The following ARHGAP6 variants were observed in gnomAD, a reference collection of about 807,000 sequenced individuals.
The protein encoded by ARHGAP6 is rho GTPase-activating protein 6.
Under a neutral mutation model 55.7 loss-of-function variants are expected in ARHGAP6, and 16 were observed. That is an observed-to-expected ratio of 0.29 (90% confidence interval 0.19 to 0.44). The LOEUF is 0.44. Ranked by LOEUF, ARHGAP6 falls within the 20% of genes least tolerant of loss-of-function variation. The pLI is 1.00. For missense variants in ARHGAP6, 698 were observed against 808.9 expected (o/e 0.86, Z 1.66); for synonymous variants, 382 against 360.9 (o/e 1.06, Z -0.66).
At chrX:11,512,762 G>T (rs2050797337) in intron 1 of ARHGAP6, among the ~76,000 whole-genome samples, 1 of 111,499 alleles carries the variant, frequency 9.0e-6, no homozygotes, top group African/African-American at 3.3e-5. Context: ...CCAAACATAT[G>T]AAAGAGGTAG....
At chrX:11,622,474 A>C (rs374272063) in intron 1 of ARHGAP6, among the ~76,000 whole-genome samples, 1 of 112,008 alleles carries the variant, frequency 8.9e-6, no homozygotes, top group East Asian at 2.8e-4. Flanking sequence ...GTACCAAAGA[A>C]ACAGAAAGAC....
chrX:11,164,622 T>A (rs1403616636), intron 9 of ARHGAP6, among the ~76,000 whole-genome samples: 1 of 111,861 alleles, frequency 8.9e-6, no homozygotes, highest in Non-Finnish European at 1.9e-5. Context: ...CATTTGAAAT[T>A]TCCCACGTGC....
chrX:11,401,861 T>A (rs762257200), intron 1 of ARHGAP6, among the ~76,000 whole-genome samples: 24 of 112,554 alleles, frequency 2.1e-4, no homozygotes, highest in African/African-American at 6.8e-4. Context: ...ATAAGAATAA[T>A]TCAGTAAAAA....
chrX:11,375,684 C>T (rs939590495), intron 1 of ARHGAP6, among the ~76,000 whole-genome samples: 4 of 111,735 alleles, frequency 3.6e-5, no homozygotes, highest in African/African-American at 1.3e-4. Context: ...GTCTGCTTTC[C>T]CGCCTCCCAT....
intron 1 of ARHGAP6, among the ~76,000 whole-genome samples, chrX:11,538,788 T>C (rs1485157005): frequency 9.0e-6 from 1 of 110,564 alleles, no homozygotes; most frequent in Non-Finnish European, 1.9e-5. Context: ...CTTGGCACTA[T>C]TGACATTTGG....
chrX:11,226,034 G>T (rs778631344), intron 2 of ARHGAP6, among the ~76,000 whole-genome samples: 1 of 108,552 alleles, frequency 9.2e-6, no homozygotes, highest in South Asian at 4.1e-4. Context: ...AAGTTCTAGG[G>T]TATATATGCA....
At chrX:11,151,467 C>T (rs1602736205) in intron 10 of ARHGAP6, among the ~76,000 whole-genome samples, 2 of 110,342 alleles carry the variant, frequency 1.8e-5, no homozygotes, top group African/African-American at 6.6e-5. Context: ...TGGGGTCTTG[C>T]TGTGGTGACC....
chrX:11,272,191 A>AAT (rs767057824), intron 1 of ARHGAP6, among the ~76,000 whole-genome samples: 3 of 112,146 alleles, frequency 2.7e-5, no homozygotes, highest in Non-Finnish European at 5.6e-5. Flanking sequence ...AATTGTATTT[A>AAT]ATGTTAATTG....
intron 1 of ARHGAP6, among the ~76,000 whole-genome samples, chrX:11,421,337 G>T (rs191702254): frequency 8.9e-6 from 1 of 112,173 alleles, no homozygotes; most frequent in Non-Finnish European, 1.9e-5. Flanking sequence ...ACTCCTTGTT[G>T]GGTTGTGTTG....
chrX:11,349,080 G>A lies in ARHGAP6; in HGVS notation c.589-94373C>T, dbSNP rs749022541. On this transcript the variant is annotated intron_variant, in intron 1 of 12. Coordinates refer to ENST00000337414, the MANE Select transcript of ARHGAP6 (RefSeq NM_013427.3). ...TTTTGGTATAATAGTGATAACAATGGGTTCCATAAAGGGTGGATGGGAAGA... is the reference window on the plus strand; with the variant it reads ...TTTTGGTATAATAGTGATAACAATGAGTTCCATAAAGGGTGGATGGGAAGA... Among the ~76,000 whole-genome samples the A allele has an allele frequency of 6.0e-3, 649 of 108,763 alleles. 5 individuals carry two copies. Among genetic ancestry groups the A allele is most frequent in the Non-Finnish European group, 8.6e-3 (451 of 52,412 alleles). The allele number at this position is 108,763 out of a possible 115,157, so 94.4% of individuals were successfully genotyped here.
chrX:11,181,099 T>A (rs2046308814), intron 6 of ARHGAP6, among the ~76,000 whole-genome samples: 1 of 112,198 alleles, frequency 8.9e-6, no homozygotes, highest in South Asian at 3.7e-4. Flanking sequence ...CACAGAAATG[T>A]TACTGTACTA....
intron 1 of ARHGAP6, among the ~76,000 whole-genome samples, chrX:11,650,689 C>G (rs904508234): frequency 8.9e-6 from 1 of 112,527 alleles, no homozygotes; most frequent in African/African-American, 3.2e-5. Flanking sequence ...AACACTATAC[C>G]TATCTTTCAC....
intron 1 of ARHGAP6, among the ~76,000 whole-genome samples, chrX:11,640,697 T>C (rs776077295): frequency 2.7e-3 from 306 of 111,330 alleles, no homozygotes; most frequent in Non-Finnish European, 4.3e-3. Flanking sequence ...GGAGGCATTG[T>C]TTGTTTCTTC....
intron 1 of ARHGAP6, among the ~76,000 whole-genome samples, chrX:11,459,720 TCACCCCAATTACCCTA>T (rs1169930934): frequency 8.9e-6 from 1 of 111,802 alleles, no homozygotes; most frequent in Non-Finnish European, 1.9e-5. Flanking sequence ...CCAGTTTCAT[TCACCCCAATTACCCTA>T]CAGAACATCT....
chrX:11,140,036 A>G (rs1056166191), intron 12 of ARHGAP6, among the ~76,000 whole-genome samples: 3 of 110,920 alleles, frequency 2.7e-5, no homozygotes, highest in South Asian at 3.9e-4. Context: ...CCTACCATCA[A>G]TGCAGGAAAG....
intron 1 of ARHGAP6, among the ~76,000 whole-genome samples, chrX:11,455,198 G>A (rs1317344812): frequency 8.9e-6 from 1 of 112,114 alleles, no homozygotes; most frequent in Admixed American, 9.5e-5. Flanking sequence ...ATAACCACAG[G>A]AAGAAATGGG....
intron 1 of ARHGAP6, among the ~76,000 whole-genome samples, chrX:11,509,687 G>A (rs60928737): frequency 0.086 from 9,578 of 111,524 alleles, 454 homozygotes; most frequent in East Asian, 0.18. Context: ...ATTTGAAATC[G>A]TAAGTCTAAA....
At chrX:11,153,580 G>C (rs2045820950) in intron 10 of ARHGAP6, among the ~76,000 whole-genome samples, 1 of 105,857 alleles carries the variant, frequency 9.4e-6, no homozygotes, top group African/African-American at 3.5e-5. Context: ...TAGCACTCTG[G>C]AGCTCAAGCC....
chrX:11,181,947 G>T, intron 6 of ARHGAP6, 116 bp downstream of exon 6: 1 of 543,848 alleles, frequency 1.8e-6, no homozygotes, highest in Non-Finnish European at 2.9e-6. Context: ...ATAGCTTGGA[G>T]GGTAAAAAAA....
Sources: gnomAD v4.1 joint callset for allele counts (sites outside exome capture counted in the v4.1 genomes callset) on GRCh38, gnomAD v4.1.1 for gene constraint, MANE v1.5 for transcripts, NCBI Gene and HGNC (gene_info 2026-07-23, HGNC 2026-07-21) for gene names.